Variants in IGSF21 observed in about 807,000 individuals in gnomAD.
The protein encoded by IGSF21 is immunoglobulin superfamily member 21.
A neutral mutation model predicts 46.8 loss-of-function variants in IGSF21; 28 were observed. The observed-to-expected ratio is 0.60, with a 90% CI of 0.44 to 0.82. The LOEUF (loss-of-function observed/expected upper bound fraction) is 0.82, where lower values mean the gene tolerates loss of function less well. Among genes scored for constraint, IGSF21 ranks in the 40% least tolerant of loss-of-function variants. The pLI, the probability that IGSF21 is intolerant of heterozygous loss-of-function variation, is 0.00. For missense variants in IGSF21, 624 were observed against 665.5 expected (o/e 0.94, Z 0.69); for synonymous variants, 284 against 273.6 (o/e 1.04, Z -0.38).
At chr1:18,253,918 A>G (rs1371566079) in intron 2 of IGSF21, among the ~76,000 whole-genome samples, 3 of 152,194 alleles carry the variant, frequency 2.0e-5, no homozygotes, top group African/African-American at 7.2e-5. Context: ...AAGTGGAAAG[A>G]AAGTGGGGGC....
chr1:18,364,312 C>T (rs1474206092), intron 5 of IGSF21, among the ~76,000 whole-genome samples: 1 of 152,058 alleles, frequency 6.6e-6, no homozygotes, highest in Non-Finnish European at 1.5e-5. Context: ...AAAAAACCAA[C>T]GCAGGCTATC....
intron 6 of IGSF21, among the ~76,000 whole-genome samples, chr1:18,368,492 T>C (rs912186030): frequency 7.1e-6 from 1 of 140,090 alleles, no homozygotes; most frequent in Non-Finnish European, 1.5e-5. Context: ...GCCTAGGTGA[T>C]AGAGTGAGAC....
intron 6 of IGSF21, among the ~76,000 whole-genome samples, chr1:18,375,039 A>T (rs1005516541): frequency 2.0e-5 from 3 of 152,118 alleles, no homozygotes; most frequent in Non-Finnish European, 1.5e-5. Context: ...TGAGCTTCAC[A>T]GCTCAGCTTA....
At chr1:18,345,498 C>T (rs2085883645) in intron 4 of IGSF21, among the ~76,000 whole-genome samples, 1 of 152,134 alleles carries the variant, frequency 6.6e-6, no homozygotes, top group Non-Finnish European at 1.5e-5. Context: ...CATCCTTGTG[C>T]CTCAGCCTCC....
intron 3 of IGSF21, among the ~76,000 whole-genome samples, chr1:18,305,222 G>T (rs2085407569): frequency 6.6e-6 from 1 of 151,442 alleles, no homozygotes; most frequent in South Asian, 2.1e-4. Context: ...ATAATGGATG[G>T]ATGGACGATG....
chr1:18,325,731 G>C (rs1296954635), intron 3 of IGSF21, among the ~76,000 whole-genome samples: 1 of 152,176 alleles, frequency 6.6e-6, no homozygotes, highest in African/African-American at 2.4e-5. Context: ...CAAGGTCTAG[G>C]GAGGCCCTTT....
At chr1:18,108,878 G>A (rs1450457979) in intron 1 of IGSF21, among the ~76,000 whole-genome samples, 1 of 151,776 alleles carries the variant, frequency 6.6e-6, no homozygotes, top group Non-Finnish European at 1.5e-5. Context: ...CCTGGGAGTC[G>A]TGGGCTTCAT....
At chr1:18,235,221 C>T (rs1057487687) in intron 2 of IGSF21, among the ~76,000 whole-genome samples, 1 of 152,172 alleles carries the variant, frequency 6.6e-6, no homozygotes, top group African/African-American at 2.4e-5. Context: ...CATGTCATGG[C>T]GTTTGTGAAA....
chr1:18,377,125 G>T (rs1360969201), intron 8 of IGSF21, 133 bp downstream of exon 8: 7 of 945,268 alleles, frequency 7.4e-6, no homozygotes, highest in Middle Eastern at 2.3e-4. Context: ...CCCTGAGAGG[G>T]TGCCCCACTG....
chr1:18,341,999 C>CT (rs1426223733), intron 4 of IGSF21, among the ~76,000 whole-genome samples: 1 of 151,042 alleles, frequency 6.6e-6, no homozygotes, highest in Non-Finnish European at 1.5e-5. Flanking sequence ...GTTGGTTTGT[C>CT]TTTTTTCAGT....
intron 6 of IGSF21, among the ~76,000 whole-genome samples, chr1:18,373,955 G>A (rs151052941): frequency 1.7e-3 from 256 of 152,266 alleles, no homozygotes; most frequent in African/African-American, 6.0e-3. Flanking sequence ...GCCCAGGCCC[G>A]GGCCTGAAGG....
intron 6 of IGSF21, among the ~76,000 whole-genome samples, chr1:18,370,885 C>T (rs78817700): frequency 1.8e-3 from 276 of 152,288 alleles, no homozygotes; most frequent in African/African-American, 6.3e-3. Flanking sequence ...TACCATTTCA[C>T]ATCTATTAGA....
At chr1:18,376,085 C>T (rs1161225111) in intron 6 of IGSF21, 2 of 498,138 alleles carry the variant, frequency 4.0e-6, no homozygotes, top group Non-Finnish European at 7.5e-6. Context: ...TATATACACC[C>T]TTGACTCCCC....
At chr1:18,343,703 C>T (rs2085865036) in intron 4 of IGSF21, among the ~76,000 whole-genome samples, 1 of 152,226 alleles carries the variant, frequency 6.6e-6, no homozygotes, top group South Asian at 2.1e-4. Flanking sequence ...ACACACTATT[C>T]TATCCCCATT....
rs59328124 is a variant in IGSF21 at position 18,304,730 on chromosome 1, T to TACACAC, written c.305+12755_305+12760dup. On this transcript the variant is annotated intron_variant, in intron 3 of 9. Transcript: ENST00000251296. ...ACATACACACACACACACACACACA[T>TACACAC]ACACACACACACACACATTATCCTT... 3.0e-3 allele frequency among the ~76,000 whole-genome samples: 391 copies of TACACAC among 128,452 alleles called. 3 individuals carry two copies. The highest frequency in any genetic ancestry group is 4.0e-3 in the Non-Finnish European group (232 of 58,110). 84.3% of individuals were successfully genotyped at this position (128,452 alleles called of 152,430 possible).
intron 1 of IGSF21, among the ~76,000 whole-genome samples, chr1:18,135,594 T>G (rs1175268782): frequency 6.6e-6 from 1 of 152,220 alleles, no homozygotes; most frequent in East Asian, 1.9e-4. Context: ...TGTGAACTCA[T>G]CATTTTTTAT....
At chr1:18,192,526 C>A (rs1391817878) in intron 1 of IGSF21, among the ~76,000 whole-genome samples, 2 of 152,252 alleles carry the variant, frequency 1.3e-5, no homozygotes, top group Admixed American at 1.3e-4. Flanking sequence ...TGTCCTGTGA[C>A]TTCACTGGGA....
At chr1:18,276,734 G>A (rs911920977) in intron 2 of IGSF21, among the ~76,000 whole-genome samples, 1 of 152,094 alleles carries the variant, frequency 6.6e-6, no homozygotes, top group East Asian at 1.9e-4. Context: ...GATCTACACT[G>A]GGGTTTCTGT....
At chr1:18,141,145 G>A (rs112515393) in intron 1 of IGSF21, among the ~76,000 whole-genome samples, 6 of 152,302 alleles carry the variant, frequency 3.9e-5, no homozygotes, top group African/African-American at 1.4e-4. Flanking sequence ...CTGAAGGCTG[G>A]GCATCCAGGC....
Sources: allele counts gnomAD v4.1 joint callset (sites outside exome capture counted in the v4.1 genomes callset), GRCh38; gene constraint gnomAD v4.1.1; transcripts MANE v1.5; gene names NCBI Gene and HGNC (gene_info 2026-07-23, HGNC 2026-07-21).